Variants in TMEM123 observed in about 807,000 individuals in gnomAD.
TMEM123 encodes the protein transmembrane protein 123.
A neutral mutation model predicts 19.7 loss-of-function variants in TMEM123; 16 were observed. That is an observed-to-expected ratio of 0.81 (90% confidence interval 0.55 to 1.23). TMEM123 has a LOEUF of 1.23. TMEM123 is among the 50% of genes most tolerant of loss of function. The pLI is 0.00. For synonymous variants in TMEM123, 118 were observed against 99.4 expected (o/e 1.19, Z -1.12); for missense variants, 313 against 257.8 (o/e 1.21, Z -1.47).
At chr11:102,411,742 A>AT (rs1952006968) in intron 2 of TMEM123, among the ~76,000 whole-genome samples, 1 of 151,954 alleles carries the variant, frequency 6.6e-6, no homozygotes, top group South Asian at 2.1e-4. Context: ...GAGAAACAGT[A>AT]TTTTCCCAGG....
intron 2 of TMEM123, among the ~76,000 whole-genome samples, chr11:102,428,575 G>A (rs899490747): frequency 1.3e-5 from 2 of 151,478 alleles, no homozygotes; most frequent in African/African-American, 4.9e-5. Context: ...GCAAAGTGCT[G>A]GGATTACAGG....
intron 2 of TMEM123, among the ~76,000 whole-genome samples, chr11:102,444,011 A>G (rs116917439): frequency 0.045 from 6,819 of 152,334 alleles, 215 homozygotes; most frequent in Non-Finnish European, 0.073. Flanking sequence ...ATCTCACAGC[A>G]GTTACAATGG....
chr11:102,443,260 T>C (rs1241549619), intron 2 of TMEM123, among the ~76,000 whole-genome samples: 1 of 151,904 alleles, frequency 6.6e-6, no homozygotes, highest in East Asian at 1.9e-4. Context: ...GCCAAAACAA[T>C]AAAGCTGGAG....
At chr11:102,435,062 G>A (rs1857749316) in intron 2 of TMEM123, among the ~76,000 whole-genome samples, 1 of 151,812 alleles carries the variant, frequency 6.6e-6, no homozygotes, top group South Asian at 2.1e-4. Flanking sequence ...ACAACGGGCT[G>A]GGCACAGTGG....
chr11:102,401,844 C>G, intron 3 of TMEM123, 72 bp downstream of exon 3: 2 of 1,541,628 alleles, frequency 1.3e-6, no homozygotes, highest in Non-Finnish European at 8.7e-7. Flanking sequence ...TTTTGCCAGA[C>G]AGAATAATGA....
At chr11:102,439,730 C>T (rs896564697) in intron 2 of TMEM123, among the ~76,000 whole-genome samples, 10 of 152,142 alleles carry the variant, frequency 6.6e-5, no homozygotes, top group East Asian at 1.9e-4. Flanking sequence ...AGGCTTCAGA[C>T]GATCGGTAAT....
chr11:102,437,276 C>T (rs1857772856), intron 2 of TMEM123, among the ~76,000 whole-genome samples: 1 of 151,956 alleles, frequency 6.6e-6, no homozygotes. Flanking sequence ...TTACTCAGCC[C>T]AGCCCCATCT....
At chr11:102,401,505 T>G in intron 4 of TMEM123, 34 bp downstream of exon 4, 1 of 1,525,656 alleles carries the variant, frequency 6.6e-7, no homozygotes. Flanking sequence ...CACCAACAAT[T>G]TTTTTTAAAA....
chr11:102,414,178 C>T (rs1952026325), intron 2 of TMEM123, among the ~76,000 whole-genome samples: 1 of 152,116 alleles, frequency 6.6e-6, no homozygotes, highest in South Asian at 2.1e-4. Flanking sequence ...ATGAAGATAA[C>T]TTCCTAGAAA....
intron 2 of TMEM123, among the ~76,000 whole-genome samples, chr11:102,441,028 A>G (rs1016325104): frequency 6.6e-6 from 1 of 152,222 alleles, no homozygotes; most frequent in Non-Finnish European, 1.5e-5. Context: ...ATACAGGAGC[A>G]CCCAGATCCA....
intron 2 of TMEM123, among the ~76,000 whole-genome samples, chr11:102,422,727 T>C (rs1426135450): frequency 6.6e-6 from 1 of 152,224 alleles, no homozygotes; most frequent in Admixed American, 6.5e-5. Context: ...TCATGCAAAA[T>C]GTATTTGCTT....
chr11:102,439,694 A>G (rs1857803488), intron 2 of TMEM123, among the ~76,000 whole-genome samples: 1 of 152,232 alleles, frequency 6.6e-6, no homozygotes, highest in Non-Finnish European at 1.5e-5. Context: ...CTGGACGGAG[A>G]ATGACTTTGA....
intron 2 of TMEM123, among the ~76,000 whole-genome samples, chr11:102,411,620 A>G (rs1952005374): frequency 6.6e-6 from 1 of 151,944 alleles, no homozygotes; most frequent in Non-Finnish European, 1.5e-5. Flanking sequence ...TAGGTAGTAG[A>G]TAGAGTCAGA....
At position 102,403,129 on chromosome 11, in the gene TMEM123, A is replaced by C. The variant is rs546696819; in HGVS notation, c.158-923T>G. Among the ~76,000 whole-genome samples the C allele has an allele frequency of 4.1e-4, 62 of 151,824 alleles. 1 individual carries two copies. The Middle Eastern group carries it at 0.014, about 33-fold the overall frequency. On this transcript the variant is annotated intron_variant, in intron 2 of 4. Transcript: ENST00000398136. ...GGGTCCAAGTGATTCTCCTGCCTTG[A>C]CCTCCTGAGTAGCTGGGATTACAGG...
At position 102,398,892 on chromosome 11, in the gene TMEM123, C is replaced by CTGTAATA; in HGVS notation, c.603-8_603-2dup. 1 of 1,609,066 alleles carries CTGTAATA rather than the reference C, an allele frequency of 6.2e-7. No homozygotes were observed. The highest frequency in any genetic ancestry group is 8.5e-7 in the Non-Finnish European group (1 of 1,178,342). ...TTAAATGATGGCATCATGTTCATCT[C>CTGTAATA]TGTAATATATTAAAAGTTACAATTA... On this transcript the variant is annotated splice_acceptor_variant, in intron 4 of 4. Coordinates refer to ENST00000398136, the MANE Select transcript of TMEM123 (RefSeq NM_052932.3). LOFTEE classifies it high-confidence loss of function.
In TMEM123 at chr11:102,398,387, G is replaced by C. The variant is rs1023091194; in HGVS notation, c.*480C>G. The C allele has an allele frequency of 1.3e-5, 5 of 394,538 alleles. No homozygotes were observed. Among genetic ancestry groups the C allele is most frequent in the Non-Finnish European group, 2.2e-5 (5 of 224,086 alleles). The allele number at this position is 394,538 out of a possible 1,614,324, so 24.4% of individuals were successfully genotyped here. On this transcript the variant is annotated 3_prime_UTR_variant, in exon 5 of 5. Transcript: ENST00000398136. Reference sequence around the variant, plus strand: ...TTTCTTAAATTATGCTTCAGATCTAGTTTGATTGTATAATTTCTGTGTGGC... The same window carrying C: ...TTTCTTAAATTATGCTTCAGATCTACTTTGATTGTATAATTTCTGTGTGGC...
chr11:102,402,444 T>C (rs922085830), intron 2 of TMEM123, among the ~76,000 whole-genome samples: 38 of 151,010 alleles, frequency 2.5e-4, no homozygotes, highest in African/African-American at 8.5e-4. Flanking sequence ...GGGGAAGATA[T>C]GAAGAAAAAA....
chr11:102,444,339 G>T (rs1008535307), intron 2 of TMEM123, among the ~76,000 whole-genome samples: 5 of 151,814 alleles, frequency 3.3e-5, no homozygotes, highest in Admixed American at 2.6e-4. Flanking sequence ...CAATGGCACA[G>T]ACACATCATG....
intron 2 of TMEM123, among the ~76,000 whole-genome samples, chr11:102,427,674 T>A (rs948659151): frequency 6.6e-6 from 1 of 151,198 alleles, no homozygotes; most frequent in Non-Finnish European, 1.5e-5. Flanking sequence ...CTGTCTCTAC[T>A]AAAAAACACA....
Sources: allele counts gnomAD v4.1 joint callset (sites outside exome capture counted in the v4.1 genomes callset), GRCh38; gene constraint gnomAD v4.1.1; transcripts MANE v1.5; gene names NCBI Gene and HGNC (gene_info 2026-07-23, HGNC 2026-07-21).